Variants in HMCN1 observed in about 807,000 individuals in gnomAD.
HMCN1 encodes hemicentin-1.
HMCN1 carries 321 observed loss-of-function variants against 625.9 expected under a neutral mutation model. The observed-to-expected ratio is 0.51, with a 90% CI of 0.47 to 0.56. HMCN1 has a LOEUF of 0.56. HMCN1 is among the 20% of genes least tolerant of loss of function. The pLI, the probability that HMCN1 is intolerant of heterozygous loss-of-function variation, is 0.00. For synonymous variants in HMCN1, 2,425 were observed against 2,417.6 expected, an observed-to-expected ratio of 1.00 and a Z score of -0.09; for missense variants, 6,588 against 6,887.3, an observed-to-expected ratio of 0.96 and a Z score of 1.54.
intron 1 of HMCN1, among the ~76,000 whole-genome samples, chr1:185,819,628 A>C (rs998897082): frequency 6.6e-6 from 1 of 152,146 alleles, no homozygotes; most frequent in African/African-American, 2.4e-5. Context: ...CTTTGATTAC[A>C]GTAGTTTTCT....
At chr1:185,823,665 T>C (rs1236495169) in intron 1 of HMCN1, among the ~76,000 whole-genome samples, 1 of 152,174 alleles carries the variant, frequency 6.6e-6, no homozygotes, top group Non-Finnish European at 1.5e-5. Context: ...CATGACTGAA[T>C]GCCAGAAGAT....
intron 36 of HMCN1, among the ~76,000 whole-genome samples, chr1:186,033,851 C>T (rs566158565): frequency 7.2e-5 from 11 of 152,048 alleles, no homozygotes; most frequent in Non-Finnish European, 1.5e-4. Flanking sequence ...CTCTGGAAAT[C>T]ATATCCTTCT....
chr1:185,997,303 G>A (rs41317465), intron 24 of HMCN1, 126 bp from the exon 25 acceptor site: 3 of 714,390 alleles, frequency 4.2e-6, no homozygotes, highest in South Asian at 3.1e-5. Context: ...ACTGGAAATA[G>A]GAATCATATT....
At chr1:185,859,432 A>G (rs1029078842) in intron 2 of HMCN1, among the ~76,000 whole-genome samples, 1 of 152,184 alleles carries the variant, frequency 6.6e-6, no homozygotes, top group Admixed American at 6.5e-5. Flanking sequence ...ATTAATTTCA[A>G]TAATCTATTT....
intron 17 of HMCN1, among the ~76,000 whole-genome samples, chr1:185,981,325 T>C (rs747253803): frequency 6.7e-5 from 10 of 150,272 alleles, no homozygotes; most frequent in East Asian, 1.9e-4. Flanking sequence ...AATACACACA[T>C]GCACACACAC....
chr1:185,947,297 T>C (rs982904309), intron 11 of HMCN1, among the ~76,000 whole-genome samples: 2 of 152,070 alleles, frequency 1.3e-5, no homozygotes, highest in African/African-American at 4.8e-5. Context: ...CGTTTCACAA[T>C]TGAACACTTG....
intron 91 of HMCN1, among the ~76,000 whole-genome samples, chr1:186,144,983 C>A (rs780693052): frequency 6.6e-6 from 1 of 152,222 alleles, no homozygotes; most frequent in Non-Finnish European, 1.5e-5. Flanking sequence ...GCTTACAGTT[C>A]TTTTATGAAG....
At position 186,144,282 on chromosome 1, in the gene HMCN1, T is replaced by C. The variant is rs755352114; in HGVS notation, c.14034T>C (p.Gly4678=). 1 of 1,614,050 alleles carries C rather than the reference T, an allele frequency of 6.2e-7. No homozygotes were observed. Among genetic ancestry groups the C allele is most frequent in the South Asian group, 1.1e-5 (1 of 91,070 alleles). The change falls in exon 90 of 107, where the codon GGT becomes GGC. Residue 4678 remains glycine (G), a synonymous_variant. Coordinates refer to ENST00000271588, the MANE Select transcript of HMCN1 (RefSeq NM_031935.3). ...GTAATAACCCACCACCAGCGTTTGG[T>C]GGGTCCTACTGTGATGGAGCAGAAA... ...RLCNNPPPAF[G]GSYCDGAETQ...
Position 186,190,142 on chromosome 1 carries a change from T to A in HMCN1, c.*264T>A. 1 of 518,686 alleles carries A rather than the reference T, an allele frequency of 1.9e-6. No homozygotes were observed. The highest frequency in any genetic ancestry group is 2.1e-5 in the South Asian group (1 of 47,684). The allele number at this position is 518,686 out of a possible 1,614,324, so 32.1% of individuals were successfully genotyped here. On this transcript the variant is annotated 3_prime_UTR_variant, in exon 107 of 107. Coordinates refer to ENST00000271588, the MANE Select transcript of HMCN1 (RefSeq NM_031935.3). ...TACTTCCCAAAGATTATTCTGAACA[T>A]CTAACAGGACATATCAGTGATGGTT...
At position 185,858,565 on chromosome 1, in the gene HMCN1, ATATGC is replaced by A. The variant is rs1662626949; in HGVS notation, c.340-5904_340-5900del. 4.3e-5 allele frequency among the ~76,000 whole-genome samples: 3 copies of A among 68,980 alleles called. 1 individual carries two copies. The highest frequency in any genetic ancestry group is 1.0e-4 in the African/African-American group (1 of 9,562). 45.3% of individuals were successfully genotyped at this position (68,980 alleles called of 152,430 possible). ...GGGACCACGTGCCAGCTATATGCCT[ATATGC>A]CACCACACCCAGCTAATTTTTTTTT... On this transcript the variant is annotated intron_variant, in intron 2 of 106. Transcript: ENST00000271588.
At chr1:185,996,835 G>A (rs1362088636) in intron 24 of HMCN1, among the ~76,000 whole-genome samples, 1 of 152,074 alleles carries the variant, frequency 6.6e-6, no homozygotes, top group Non-Finnish European at 1.5e-5. Context: ...GCACTGACAG[G>A]GGGCACTTAG....
intron 4 of HMCN1, among the ~76,000 whole-genome samples, chr1:185,905,652 T>C (rs1431474403): frequency 6.6e-6 from 1 of 151,866 alleles, no homozygotes; most frequent in East Asian, 1.9e-4. Context: ...TTCATAATAA[T>C]GTGTGATGGT....
chr1:185,989,271 A>T (rs1157579306), intron 20 of HMCN1, among the ~76,000 whole-genome samples: 2 of 152,044 alleles, frequency 1.3e-5, no homozygotes, highest in Non-Finnish European at 2.9e-5. Flanking sequence ...TTGGGATTAC[A>T]GGTGTGAGCC....
rs1258776785 is a variant in HMCN1, at chr1:186,139,598, T to C, written c.13924+1626T>C. On this transcript the variant is annotated intron_variant, in intron 89 of 106. Transcript: ENST00000271588. The stretch of plus-strand genomic sequence containing the variant: ...TTTTGTTCACTATTCTATTGGCTTG[T>C]TTTTTTTTTTTTTAAAGGCTTTCTC... Among the ~76,000 whole-genome samples, 7 of 131,922 alleles carry C rather than the reference T, an allele frequency of 5.3e-5. No individual in the cohort carries two copies. In the East Asian group the frequency reaches 1.1e-3, roughly 20 times the overall value. 86.5% of individuals were successfully genotyped at this position (131,922 alleles called of 152,430 possible).
chr1:185,763,469 C>G (rs1400379601), intron 1 of HMCN1, among the ~76,000 whole-genome samples: 1 of 152,128 alleles, frequency 6.6e-6, no homozygotes, highest in African/African-American at 2.4e-5. Flanking sequence ...ACCAGTGTTT[C>G]TGTTCTTTGC....
At chr1:186,145,311 CTT>C (rs5779272) in intron 91 of HMCN1, 90 bp from the exon 92 acceptor site, 46 of 1,311,070 alleles carry the variant, frequency 3.5e-5, no homozygotes, top group Middle Eastern at 3.8e-4. Context: ...TGAGAAGAGA[CTT>C]TTTTTTTAAT....
In HMCN1 at chr1:186,095,402, G is replaced by C; in HGVS notation, c.10454G>C (p.Ser3485Thr). Reference sequence around the variant, plus strand: ...GGGCTTGATGCCCATCTGACAGTCAGCACCCATGGAATGGTCCTGCAGCTC... The same window carrying C: ...GGGCTTGATGCCCATCTGACAGTCACCACCCATGGAATGGTCCTGCAGCTC... The part of the protein sequence containing the change: ...PLGLDAHLTV[S>T]THGMVLQLLK... The change falls in exon 68 of 107, where the codon AGC (serine) becomes ACC (threonine). Residue 3485 changes from serine (S) to threonine (T), a missense_variant. This residue lies in a region of HMCN1 where 4,628 missense variants were observed against 4,853.1 expected (regional missense o/e 0.95). Transcript: ENST00000271588. 1 of 1,613,718 alleles carries C rather than the reference G, an allele frequency of 6.2e-7. No individual in the cohort carries two copies. Among genetic ancestry groups the C allele is most frequent in the Non-Finnish European group, 8.5e-7 (1 of 1,179,850 alleles).
At chr1:185,860,128 TGA>T (rs547793370) in intron 2 of HMCN1, among the ~76,000 whole-genome samples, 20 of 152,198 alleles carry the variant, frequency 1.3e-4, no homozygotes, top group Non-Finnish European at 2.5e-4. Flanking sequence ...CTATCCACAA[TGA>T]GATAAACACA....
intron 87 of HMCN1, 140 bp downstream of exon 87, chr1:186,137,077 AT>A: frequency 9.5e-7 from 1 of 1,056,934 alleles, no homozygotes; most frequent in Non-Finnish European, 1.4e-6. Context: ...AATCATCAAA[AT>A]TTACAGATTG....
Sources: gnomAD v4.1 joint callset for allele counts (sites outside exome capture counted in the v4.1 genomes callset) on GRCh38, gnomAD v4.1.1 for gene constraint, gnomAD v4.1.1 regional missense constraint, MANE v1.5 for transcripts, NCBI Gene and HGNC (gene_info 2026-07-23, HGNC 2026-07-21) for gene names.